The following CHST15 variants were observed in gnomAD, a reference collection of about 807,000 sequenced individuals.
CHST15 encodes the protein carbohydrate sulfotransferase 15.
Under a neutral mutation model 53.6 loss-of-function variants are expected in CHST15, and 30 were observed. That is an observed-to-expected ratio of 0.56 (90% CI 0.42 to 0.76). CHST15 has a LOEUF of 0.76. CHST15 is among the 30% of genes least tolerant of loss of function. The probability of loss-of-function intolerance (pLI) is 0.00; values close to 1 mark genes in which losing one functional copy is unlikely to be tolerated. For synonymous variants in CHST15, 296 were observed against 289.8 expected, an observed-to-expected ratio of 1.02 and a Z score of -0.22; for missense variants, 627 against 740.5, an observed-to-expected ratio of 0.85 and a Z score of 1.78.
At chr10:124,082,146 G>C (rs1365569122) in intron 1 of CHST15, among the ~76,000 whole-genome samples, 2 of 152,124 alleles carry the variant, frequency 1.3e-5, no homozygotes, top group Non-Finnish European at 2.9e-5. Flanking sequence ...TACATTGGAT[G>C]ACTGAAAACC....
intron 3 of CHST15, 110 bp from the exon 4 acceptor site, chr10:124,042,557 A>G (rs560648129): frequency 7.9e-6 from 10 of 1,258,014 alleles, no homozygotes; most frequent in Non-Finnish European, 9.9e-6. Flanking sequence ...GGGCCTGGCG[A>G]CAGCAGCAAG....
rs1297476292 is a variant in CHST15 at position 124,008,952 on chromosome 10, C to T, written c.*1197G>A. 7.8e-7 allele frequency: 1 copy of T among 1,289,048 alleles called. No homozygotes were observed. Among genetic ancestry groups the T allele is most frequent in the Non-Finnish European group, 1.0e-6 (1 of 988,688 alleles). The allele number at this position is 1,289,048 out of a possible 1,614,324, so 79.9% of individuals were successfully genotyped here. On this transcript the variant is annotated 3_prime_UTR_variant, in exon 8 of 8. Coordinates refer to ENST00000435907, the MANE Select transcript of CHST15 (RefSeq NM_001270764.2). ...CTGGAAAATTCCATGAAGAACACGG[C>T]TCTTAGAAACCTCATTCCAAATCTC... is the stretch of plus-strand genomic sequence containing the variant.
At chr10:124,016,365 C>T (rs1251499968) in intron 6 of CHST15, among the ~76,000 whole-genome samples, 1 of 152,152 alleles carries the variant, frequency 6.6e-6, no homozygotes, top group African/African-American at 2.4e-5. Flanking sequence ...TGAAAATTCA[C>T]CTCTATAAGG....
chr10:124,076,372 A>G (rs1949071246), intron 1 of CHST15, among the ~76,000 whole-genome samples: 1 of 152,160 alleles, frequency 6.6e-6, no homozygotes. Context: ...ATGCGTGGAG[A>G]CTGAGAAAGT....
At chr10:124,038,399 C>T (rs561730052) in intron 5 of CHST15, 116 bp downstream of exon 5, 1 of 1,222,332 alleles carries the variant, frequency 8.2e-7, no homozygotes, top group Non-Finnish European at 1.2e-6. Flanking sequence ...AGCCACTGTA[C>T]CCGACCTGTT....
chr10:124,013,424 A>G (rs951101799), intron 6 of CHST15, among the ~76,000 whole-genome samples: 6 of 152,200 alleles, frequency 3.9e-5, no homozygotes, highest in Non-Finnish European at 5.9e-5. Flanking sequence ...AACACCGTCC[A>G]TGACTCCACA....
intron 3 of CHST15, among the ~76,000 whole-genome samples, chr10:124,042,989 C>T (rs929567402): frequency 8.5e-5 from 13 of 152,238 alleles, no homozygotes; most frequent in African/African-American, 2.6e-4. Flanking sequence ...GCCCTTTGTC[C>T]AAACAGTAAG....
chr10:124,011,187 C>G (rs1376700873), intron 7 of CHST15: 1 of 823,380 alleles, frequency 1.2e-6, no homozygotes, highest in African/African-American at 1.9e-5. Context: ...TTGGTGTAAC[C>G]CATCACTGCT....
intron 6 of CHST15, chr10:124,020,675 A>G (rs1316299571): frequency 1.0e-6 from 1 of 994,948 alleles, no homozygotes; most frequent in Non-Finnish European, 1.2e-6. Flanking sequence ...CAGCCAGCCC[A>G]GGGAGCCCAG....
At chr10:124,022,812 T>C (rs1418859069) in intron 5 of CHST15, among the ~76,000 whole-genome samples, 1 of 108,494 alleles carries the variant, frequency 9.2e-6, no homozygotes, top group Non-Finnish European at 1.9e-5. Context: ...TTGGCATTTC[T>C]TTTTTTTTTT....
At chr10:124,060,580 T>G (rs1487112030) in intron 1 of CHST15, among the ~76,000 whole-genome samples, 3 of 148,046 alleles carry the variant, frequency 2.0e-5, no homozygotes, top group African/African-American at 7.5e-5. Context: ...CCACCAGGAG[T>G]GTGCAAAGGT....
intron 1 of CHST15, among the ~76,000 whole-genome samples, chr10:124,051,103 C>T (rs1281490597): frequency 3.9e-5 from 6 of 152,040 alleles, no homozygotes; most frequent in South Asian, 2.1e-4. Context: ...TCACTGCGCC[C>T]GGCTAATTTT....
At chr10:124,040,452 C>A (rs1181461532) in intron 4 of CHST15, among the ~76,000 whole-genome samples, 2 of 152,194 alleles carry the variant, frequency 1.3e-5, no homozygotes, top group Non-Finnish European at 2.9e-5. Flanking sequence ...AAAGCTCCGG[C>A]CTCAAGTTCA....
At position 124,044,591 on chromosome 10, in the gene CHST15, C is replaced by T. The variant is rs145847740; in HGVS notation, c.875G>A (p.Arg292Gln). 2 of 1,536,344 alleles carry T rather than the reference C, an allele frequency of 1.3e-6. No individual in the cohort carries two copies. The highest frequency in any genetic ancestry group is 1.2e-5 in the South Asian group (1 of 81,952). The change falls in exon 3 of 8, where the codon CGG becomes CAG. Residue 292 changes from arginine to glutamine, a missense_variant. Around this residue, in one of 3 missense-constraint regions of CHST15, gnomAD observed 279 missense variants for 371.6 expected, o/e 0.75. Transcript: ENST00000435907. ...GACCCAGCACTCACCAAAGCGCTTC[C>T]GGGTCCACCAGTGTGGCTCCTTGAT... ...SAIKEPHWWT[R>Q]KRFGIVRLRD...
rs188547043 is a variant in CHST15, at chr10:124,020,258, A to T, written c.1347+998T>A. 2.5e-5 allele frequency: 25 copies of T among 985,552 alleles called. 1 individual carries two copies. In the African/African-American group the frequency reaches 3.1e-4, roughly 12 times the overall value. The allele number at this position is 985,552 out of a possible 1,614,324, so 61.1% of individuals were successfully genotyped here. A position where few individuals can be genotyped will look rare whatever the true frequency, so the allele number is the denominator to read the frequency against. On this transcript the variant is annotated intron_variant, in intron 6 of 7. Transcript: ENST00000435907. ...AAGCAACTGAGTCTCAGAAAGGCTG[A>T]GACAACTGCCTAGAGTCACAGAGCC...
chr10:124,043,672 TA>T lies in CHST15; in HGVS notation c.886+907del, dbSNP rs753386963. Among the ~76,000 whole-genome samples the T allele has an allele frequency of 3.2e-4, 48 of 152,188 alleles. 1 individual carries two copies. Among genetic ancestry groups the T allele is most frequent in the Admixed American group, 5.2e-4 (8 of 15,272 alleles). On this transcript the variant is annotated intron_variant, in intron 3 of 7. Transcript: ENST00000435907. ...CTGAGGACCGCAGGGTGCATGGGGT[TA>T]AGCTGGAGCAGAGAGGGATGGGCAG... is the stretch of plus-strand genomic sequence containing the variant.
chr10:124,088,650 C>T (rs1949513192), intron 1 of CHST15, among the ~76,000 whole-genome samples: 1 of 152,190 alleles, frequency 6.6e-6, no homozygotes, highest in African/African-American at 2.4e-5. Flanking sequence ...TGTGTGTCAT[C>T]TCCAACAGCT....
rs565830389 is a variant in CHST15 at position 124,070,032 on chromosome 10, G to A, written c.-512-23308C>T. Among the ~76,000 whole-genome samples, 5 of 152,270 alleles carry A rather than the reference G, an allele frequency of 3.3e-5. No individual in the cohort carries two copies. In the South Asian group the frequency reaches 6.2e-4, roughly 19 times the overall value. On this transcript the variant is annotated intron_variant, in intron 1 of 7. Coordinates refer to ENST00000435907, the MANE Select transcript of CHST15 (RefSeq NM_001270764.2). ...AAAATGGTGATGTCCCCCCCAGCAC[G>A]TTGTCAGGAACAAATGATATAGCCT...
chr10:124,025,358 A>G (rs954334987), intron 5 of CHST15, among the ~76,000 whole-genome samples: 5 of 152,234 alleles, frequency 3.3e-5, no homozygotes, highest in East Asian at 1.9e-4. Flanking sequence ...TCACATGTAC[A>G]GCCTTTGAGA....
Sources: gnomAD v4.1 joint callset for allele counts (sites outside exome capture counted in the v4.1 genomes callset) on GRCh38, gnomAD v4.1.1 for gene constraint, gnomAD v4.1.1 regional missense constraint, MANE v1.5 for transcripts, NCBI Gene and HGNC (gene_info 2026-07-23, HGNC 2026-07-21) for gene names.